The following KMT2C variants were observed in gnomAD, a reference collection of about 807,000 sequenced individuals.
KMT2C encodes the protein lysine methyltransferase 2C.
A neutral mutation model predicts 507.9 loss-of-function variants in KMT2C; 88 were observed. The observed-to-expected ratio is 0.17, with a 90% confidence interval of 0.15 to 0.21. KMT2C has a LOEUF of 0.21. Among genes scored for constraint, KMT2C ranks in the 10% least tolerant of loss-of-function variants. The pLI is 1.00. For missense variants in KMT2C, 4,954 were observed against 5,957.8 expected, an observed-to-expected ratio of 0.83 and a Z score of 5.55; for synonymous variants, 2,049 against 2,080.8, an observed-to-expected ratio of 0.98 and a Z score of 0.42.
intron 3 of KMT2C, among the ~76,000 whole-genome samples, chr7:152,330,304 G>A (rs2096871046): frequency 6.6e-6 from 1 of 152,080 alleles, no homozygotes; most frequent in Non-Finnish European, 1.5e-5. Flanking sequence ...TAATCCTCAT[G>A]CTAAATGCTC....
chr7:152,307,266 GAAGGAAGAAAGA>G (rs1159423326), intron 6 of KMT2C, among the ~76,000 whole-genome samples: 2 of 116,560 alleles, frequency 1.7e-5, no homozygotes, highest in African/African-American at 4.2e-5. Context: ...AGGAAGGAAG[GAAGGAAGAAAGA>G]AAGGAAGGAA....
intron 18 of KMT2C, among the ~76,000 whole-genome samples, chr7:152,225,880 G>A (rs151285191): frequency 7.2e-4 from 109 of 152,274 alleles, no homozygotes; most frequent in Middle Eastern, 6.8e-3. Context: ...TTACTTTCTT[G>A]TTATAAAAAA....
At chr7:152,423,600 C>T (rs956721157) in intron 1 of KMT2C, among the ~76,000 whole-genome samples, 10 of 152,212 alleles carry the variant, frequency 6.6e-5, no homozygotes, top group African/African-American at 1.7e-4. Flanking sequence ...TAAAGGGAGA[C>T]ACTCCTGATG....
At position 152,422,851 on chromosome 7, in the gene KMT2C, G is replaced by A. The variant is rs958575310; in HGVS notation, c.161+12775C>T. ...AACCTGGCTAACACGGTGAAACCCCGTCTCTAATAAAAATACAAAAAATTA... is the reference window on the plus strand; with the variant it reads ...AACCTGGCTAACACGGTGAAACCCCATCTCTAATAAAAATACAAAAAATTA... On this transcript the variant is annotated intron_variant, in intron 1 of 58. Transcript: ENST00000262189. Among the ~76,000 whole-genome samples the A allele has an allele frequency of 4.0e-5, 6 of 151,570 alleles. No homozygotes were observed. In the East Asian group the frequency reaches 5.8e-4, roughly 15 times the overall value.
At chr7:152,395,257 T>G (rs549036073) in intron 1 of KMT2C, among the ~76,000 whole-genome samples, 2 of 152,200 alleles carry the variant, frequency 1.3e-5, no homozygotes, top group African/African-American at 4.8e-5. Context: ...CAACCATGAC[T>G]CACTGCATTC....
intron 4 of KMT2C, 50 bp downstream of exon 4, chr7:152,315,088 A>G (rs770562748): frequency 1.3e-5 from 19 of 1,421,268 alleles, no homozygotes; most frequent in Admixed American, 3.5e-5. Flanking sequence ...ATGGAAATAA[A>G]TTATATGCAG....
intron 2 of KMT2C, among the ~76,000 whole-genome samples, chr7:152,355,502 A>C (rs968127984): frequency 1.3e-5 from 2 of 152,146 alleles, no homozygotes; most frequent in Non-Finnish European, 2.9e-5. Flanking sequence ...ATACATAAGA[A>C]GATGAGCGAA....
At chr7:152,337,778 T>G (rs1487381397) in intron 2 of KMT2C, among the ~76,000 whole-genome samples, 5 of 151,850 alleles carry the variant, frequency 3.3e-5, no homozygotes, top group Admixed American at 1.3e-4. Flanking sequence ...GTGATGTAGC[T>G]GCTATTCTGA....
At chr7:152,434,060 T>TTGTCCTGAGTTGCTTTAAA (rs1207570603) in intron 1 of KMT2C, among the ~76,000 whole-genome samples, 13 of 152,228 alleles carry the variant, frequency 8.5e-5, no homozygotes, top group Non-Finnish European at 1.9e-4. Flanking sequence ...CCAATATGGC[T>TTGTCCTGAGTTGCTTTAAA]TGTCCTGAGT....
In KMT2C at chr7:152,212,227, G is replaced by A. The variant is rs2094471690; in HGVS notation, c.3713-4799C>T. ...AAACACTGGTTCTTTCCAAGGAAGG[G>A]ATGGTCAAAAGGTAGGCTAACTTAA... On this transcript the variant is annotated intron_variant, in intron 23 of 58. Coordinates refer to ENST00000262189, the MANE Select transcript of KMT2C (RefSeq NM_170606.3). 3.9e-5 allele frequency among the ~76,000 whole-genome samples: 6 copies of A among 152,204 alleles called. 1 individual carries two copies. In the South Asian group the frequency reaches 1.2e-3, roughly 31 times the overall value.
chr7:152,297,363 T>C (rs369342058), intron 6 of KMT2C, among the ~76,000 whole-genome samples: 1 of 152,104 alleles, frequency 6.6e-6, no homozygotes, highest in African/African-American at 2.4e-5. Flanking sequence ...GAGGAGACAG[T>C]TGCATAGAAA....
At chr7:152,284,483 C>A (rs981604773) in intron 6 of KMT2C, among the ~76,000 whole-genome samples, 44 of 152,058 alleles carry the variant, frequency 2.9e-4, no homozygotes, top group African/African-American at 1.0e-3. Context: ...TTTAAACCTA[C>A]AACTAACACT....
intron 26 of KMT2C, among the ~76,000 whole-genome samples, chr7:152,201,867 C>T (rs996799390): frequency 2.0e-5 from 3 of 152,032 alleles, no homozygotes; most frequent in Non-Finnish European, 4.4e-5. Flanking sequence ...AACCGAGACA[C>T]AAGAGATGTT....
At chr7:152,395,861 C>A (rs1004005381) in intron 1 of KMT2C, among the ~76,000 whole-genome samples, 1 of 152,136 alleles carries the variant, frequency 6.6e-6, no homozygotes, top group African/African-American at 2.4e-5. Context: ...ATTTTCCCCA[C>A]ACTTTGAGTG....
At chr7:152,410,924 G>A (rs900688259) in intron 1 of KMT2C, among the ~76,000 whole-genome samples, 7 of 151,516 alleles carry the variant, frequency 4.6e-5, no homozygotes, top group Admixed American at 1.3e-4. Context: ...GGATCACTGG[G>A]GTTGGAAGGT....
chr7:152,396,657 C>T (rs1437864656), intron 1 of KMT2C, among the ~76,000 whole-genome samples: 1 of 152,086 alleles, frequency 6.6e-6, no homozygotes, highest in Non-Finnish European at 1.5e-5. Context: ...GAACAAAGTG[C>T]CAAAGTGATT....
At chr7:152,236,026 G>A (rs1322045897) in intron 15 of KMT2C, 93 bp from the exon 16 acceptor site, 2 of 709,102 alleles carry the variant, frequency 2.8e-6, no homozygotes, top group Non-Finnish European at 4.9e-6. Context: ...TTTATTAAAT[G>A]TTACACAAAC....
At chr7:152,269,455 G>A (rs2095917613) in intron 7 of KMT2C, among the ~76,000 whole-genome samples, 1 of 152,110 alleles carries the variant, frequency 6.6e-6, no homozygotes, top group Admixed American at 6.5e-5. Flanking sequence ...CGATACTACT[G>A]GATAGCTTTG....
intron 2 of KMT2C, among the ~76,000 whole-genome samples, chr7:152,333,387 A>G (rs1440971081): frequency 6.6e-6 from 1 of 152,190 alleles, no homozygotes; most frequent in East Asian, 1.9e-4. Flanking sequence ...TTGGCCTCCC[A>G]AAGTGCCAAG....
Sources: gnomAD v4.1 joint callset for allele counts (sites outside exome capture counted in the v4.1 genomes callset) on GRCh38, gnomAD v4.1.1 for gene constraint, MANE v1.5 for transcripts, NCBI Gene and HGNC (gene_info 2026-07-23, HGNC 2026-07-21) for gene names.